TAFA4: variants seen among roughly 807,000 people sequenced by gnomAD.
The protein encoded by TAFA4 is TAFA chemokine like family member 4, also known as chemokine-like protein TAFA-4.
In TAFA4, 20 loss-of-function variants were observed where a neutral mutation model predicts 21.1. That is an observed-to-expected ratio of 0.95 (90% CI 0.67 to 1.38). The LOEUF is 1.38. TAFA4 is among the 40% of genes most tolerant of loss of function. TAFA4 has a pLI of 0.00. For missense variants in TAFA4, 211 were observed against 180.9 expected (o/e 1.17, Z -0.95); for synonymous variants, 71 against 67.4 (o/e 1.05, Z -0.26).
intron 3 of TAFA4, among the ~76,000 whole-genome samples, chr3:68,803,212 T>A (rs964236675): frequency 3.3e-5 from 5 of 152,236 alleles, no homozygotes; most frequent in African/African-American, 1.2e-4. Flanking sequence ...TGTTAATGCT[T>A]ATTATGTTCT....
At chr3:68,767,783 AATATAT>A (rs916418744) in intron 3 of TAFA4, among the ~76,000 whole-genome samples, 1 of 151,428 alleles carries the variant, frequency 6.6e-6, no homozygotes, top group Middle Eastern at 3.2e-3. Context: ...TATACATACA[AATATAT>A]ATATATATTT....
chr3:68,898,902 T>G (rs961346395), intron 1 of TAFA4, among the ~76,000 whole-genome samples: 2 of 151,938 alleles, frequency 1.3e-5, no homozygotes. Flanking sequence ...AAAGGGAGTG[T>G]CGACCAGAAA....
intron 1 of TAFA4, among the ~76,000 whole-genome samples, chr3:68,910,809 T>C (rs2089954061): frequency 6.6e-6 from 1 of 152,226 alleles, no homozygotes; most frequent in African/African-American, 2.4e-5. Context: ...TTTGCATAGT[T>C]CAGCACCAAA....
At chr3:68,843,104 G>T (rs1704703927) in intron 3 of TAFA4, among the ~76,000 whole-genome samples, 1 of 152,270 alleles carries the variant, frequency 6.6e-6, no homozygotes, top group Middle Eastern at 3.4e-3. Context: ...GGATAGCGTT[G>T]AATCTATAAT....
chr3:68,817,172 T>G (rs1300882520), intron 3 of TAFA4, among the ~76,000 whole-genome samples: 1 of 152,254 alleles, frequency 6.6e-6, no homozygotes, highest in East Asian at 1.9e-4. Flanking sequence ...TGTAATATAC[T>G]AAATCCTTTA....
At chr3:68,755,091 T>C in intron 3 of TAFA4, among the ~76,000 whole-genome samples, 1 of 152,176 alleles carries the variant, frequency 6.6e-6, no homozygotes, top group East Asian at 1.9e-4. Flanking sequence ...AGGAAGTATG[T>C]GCGCAGGTAC....
chr3:68,827,727 G>A (rs903009499), intron 3 of TAFA4, among the ~76,000 whole-genome samples: 7 of 151,620 alleles, frequency 4.6e-5, no homozygotes, highest in African/African-American at 1.2e-4. Flanking sequence ...ACTTTTTAAC[G>A]GGGTTGTTTT....
intron 3 of TAFA4, among the ~76,000 whole-genome samples, chr3:68,808,803 G>A (rs893488361): frequency 7.9e-5 from 12 of 152,186 alleles, no homozygotes; most frequent in Admixed American, 7.2e-4. Flanking sequence ...TCACAACAAG[G>A]GTTTACTTCT....
At chr3:68,865,633 T>A (rs1239351767) in intron 3 of TAFA4, among the ~76,000 whole-genome samples, 1 of 152,164 alleles carries the variant, frequency 6.6e-6, no homozygotes, top group Non-Finnish European at 1.5e-5. Flanking sequence ...TTACCCTGTC[T>A]TGGGTATTGC....
At chr3:68,925,684 G>T (rs2090100834) in intron 1 of TAFA4, among the ~76,000 whole-genome samples, 2 of 152,088 alleles carry the variant, frequency 1.3e-5, no homozygotes, top group South Asian at 4.2e-4. Context: ...TAAATTTTTA[G>T]GTAGAATAAC....
rs534282956 is a variant in TAFA4, at chr3:68,927,672, G to C, written c.-123+4568C>G. Among the ~76,000 whole-genome samples, 5 of 152,276 alleles carry C rather than the reference G, an allele frequency of 3.3e-5. No individual in the cohort carries two copies. The East Asian group carries it at 9.6e-4, about 29-fold the overall frequency. ...TCAACACTTTGAGAGGCCGAGACAG[G>C]AGGGTTGCTTTAGCCCAGGAGTTCG... On this transcript the variant is annotated intron_variant, in intron 1 of 5. Coordinates refer to ENST00000295569, the MANE Select transcript of TAFA4 (RefSeq NM_182522.5).
intron 3 of TAFA4, among the ~76,000 whole-genome samples, chr3:68,873,588 C>A (rs2089514196): frequency 2.0e-5 from 3 of 152,120 alleles, no homozygotes; most frequent in Admixed American, 1.3e-4. Context: ...CTCCACGGGG[C>A]AACACTTACT....
At chr3:68,814,047 T>C (rs1307587293) in intron 3 of TAFA4, among the ~76,000 whole-genome samples, 6 of 152,058 alleles carry the variant, frequency 3.9e-5, no homozygotes, top group Middle Eastern at 3.2e-3. Context: ...AGCATATAAA[T>C]AGAACCAAAG....
At chr3:68,736,860 C>CAA (rs540726799) in intron 5 of TAFA4, among the ~76,000 whole-genome samples, 247 of 152,254 alleles carry the variant, frequency 1.6e-3, no homozygotes, top group African/African-American at 5.6e-3. Context: ...AGATTATTCT[C>CAA]AAGTGACATA....
chr3:68,814,846 G>T (rs954920271), intron 3 of TAFA4, among the ~76,000 whole-genome samples: 2 of 152,026 alleles, frequency 1.3e-5, no homozygotes, highest in Admixed American at 6.6e-5. Flanking sequence ...AAAACAGCCC[G>T]CATTGCCAAG....
intron 3 of TAFA4, among the ~76,000 whole-genome samples, chr3:68,871,467 A>G (rs1325565080): frequency 6.6e-6 from 1 of 152,154 alleles, no homozygotes; most frequent in African/African-American, 2.4e-5. Context: ...ACCTGAAACT[A>G]TGAAACTATT....
chr3:68,826,572 CAAAA>C (rs34471537), intron 3 of TAFA4, among the ~76,000 whole-genome samples: 4 of 101,718 alleles, frequency 3.9e-5, no homozygotes, highest in Non-Finnish European at 4.0e-5. Context: ...GACTCTGCCT[CAAAA>C]AAAAAAAAAA....
chr3:68,795,690 C>G (rs559886644), intron 3 of TAFA4, among the ~76,000 whole-genome samples: 1 of 152,286 alleles, frequency 6.6e-6, no homozygotes, highest in South Asian at 2.1e-4. Context: ...TAAAGAAAAA[C>G]TGAATCCTCG....
intron 3 of TAFA4, among the ~76,000 whole-genome samples, chr3:68,844,822 G>A (rs572747932): frequency 5.3e-5 from 8 of 152,250 alleles, no homozygotes; most frequent in South Asian, 4.1e-4. Flanking sequence ...ATGCATTTGC[G>A]TGGTTTTGAG....
Sources: gnomAD v4.1 joint callset for allele counts (sites outside exome capture counted in the v4.1 genomes callset) on GRCh38, gnomAD v4.1.1 for gene constraint, MANE v1.5 for transcripts, NCBI Gene and HGNC (gene_info 2026-07-23, HGNC 2026-07-21) for gene names.